The following PTDSS2 variants were observed in gnomAD, a reference collection of about 807,000 sequenced individuals.
PTDSS2 encodes PSS-2.
In PTDSS2, 41 loss-of-function variants were observed where a neutral mutation model predicts 64.7. The ratio of observed to expected loss-of-function variants is 0.63; its 90% confidence interval spans 0.49 to 0.82. The LOEUF (loss-of-function observed/expected upper bound fraction) is 0.82. Among genes scored for constraint, PTDSS2 ranks in the 40% least tolerant of loss-of-function variants. The pLI, the probability that PTDSS2 is intolerant of heterozygous loss-of-function variation, is 0.00. For synonymous variants in PTDSS2, 297 were observed against 277.8 expected (o/e 1.07, Z -0.69); for missense variants, 485 against 650.0 (o/e 0.75, Z 2.76).
chr11:489,175 C>T (rs141986670), intron 8 of PTDSS2, among the ~76,000 whole-genome samples: 14 of 152,214 alleles, frequency 9.2e-5, no homozygotes, highest in African/African-American at 3.4e-4. Flanking sequence ...AGAAGCAGGG[C>T]TTGTAGCTGG....
Position 490,799 on chromosome 11 carries a change from C to T in PTDSS2, c.*217C>T, listed in dbSNP as rs943623120. The T allele has an allele frequency of 1.3e-4, 72 of 574,404 alleles. No individual in the cohort carries two copies. In the Admixed American group the frequency reaches 1.4e-3, roughly 11 times the overall value. The allele number at this position is 574,404 out of a possible 1,614,324, so 35.6% of individuals were successfully genotyped here. The stretch of plus-strand genomic sequence containing the variant: ...GTGTACGTGTGTATGCGTGTGTGTA[C>T]GCGTGTGTACGCGCGTGTGTACACA... On this transcript the variant is annotated 3_prime_UTR_variant, in exon 12 of 12. Coordinates refer to ENST00000308020, the MANE Select transcript of PTDSS2 (RefSeq NM_030783.3).
intron 1 of PTDSS2, among the ~76,000 whole-genome samples, chr11:458,319 C>T (rs1471679768): frequency 6.6e-6 from 1 of 151,782 alleles, no homozygotes; most frequent in Admixed American, 6.6e-5. Flanking sequence ...ATTCTCCTGC[C>T]TCAGCCTCCC....
At chr11:458,297 C>T (rs1476025224) in intron 1 of PTDSS2, among the ~76,000 whole-genome samples, 14 of 151,250 alleles carry the variant, frequency 9.3e-5, no homozygotes, top group African/African-American at 1.7e-4. Context: ...CTCCGCCTCC[C>T]GGGTTCACGC....
intron 1 of PTDSS2, among the ~76,000 whole-genome samples, chr11:455,867 C>T (rs1187859479): frequency 6.6e-6 from 1 of 152,178 alleles, no homozygotes; most frequent in Admixed American, 6.5e-5. Context: ...GGAAGGAAGG[C>T]TCAGGAACGC....
At chr11:452,168 T>C (rs2133747166) in intron 1 of PTDSS2, among the ~76,000 whole-genome samples, 1 of 152,302 alleles carries the variant, frequency 6.6e-6, no homozygotes, top group South Asian at 2.1e-4. Flanking sequence ...CGGGCTCCTC[T>C]GAGGTCCCGG....
At position 489,857 on chromosome 11, in the gene PTDSS2, C is replaced by T. The variant is rs142766512; in HGVS notation, c.1116-26C>T. The T allele has an allele frequency of 2.0e-4, 308 of 1,557,886 alleles. 2 individuals are homozygous for T. In the East Asian group the frequency reaches 5.6e-3, roughly 28 times the overall value. On this transcript the variant is annotated intron_variant, in intron 10 of 11. Coordinates refer to ENST00000308020, the MANE Select transcript of PTDSS2 (RefSeq NM_030783.3). ...CTGGAGGACCCTGCGGGGCCCGGGACGCTGAACCCCCTGCTGCCCCTGCAG... is the reference window on the plus strand; with the variant it reads ...CTGGAGGACCCTGCGGGGCCCGGGATGCTGAACCCCCTGCTGCCCCTGCAG...
chr11:482,587 TA>T (rs1848120614), intron 4 of PTDSS2, among the ~76,000 whole-genome samples: 3 of 152,194 alleles, frequency 2.0e-5, no homozygotes, highest in African/African-American at 7.2e-5. Flanking sequence ...GTGCTGGGAG[TA>T]TAAGCATGAG....
At chr11:457,805 T>G (rs1205328217) in intron 1 of PTDSS2, among the ~76,000 whole-genome samples, 2 of 152,162 alleles carry the variant, frequency 1.3e-5, no homozygotes, top group African/African-American at 4.8e-5. Flanking sequence ...CGTTTGGGAG[T>G]ATGTGGCTGG....
intron 4 of PTDSS2, among the ~76,000 whole-genome samples, chr11:481,083 CAAAAA>C (rs749112324): frequency 1.8e-5 from 2 of 109,324 alleles, no homozygotes. Flanking sequence ...GACTCCGCCT[CAAAAA>C]AAAAAAAAAA....
intron 3 of PTDSS2, among the ~76,000 whole-genome samples, chr11:474,352 T>A (rs906849584): frequency 8.2e-6 from 1 of 121,924 alleles, no homozygotes; most frequent in African/African-American, 3.1e-5. Context: ...GGCCAGGGAC[T>A]GTGGGCTCTA....
chr11:464,890 T>A lies in PTDSS2; in HGVS notation c.284+4602T>A, dbSNP rs115257451. On this transcript the variant is annotated intron_variant, in intron 2 of 11. Coordinates refer to ENST00000308020, the MANE Select transcript of PTDSS2 (RefSeq NM_030783.3). ...TAATACATATAAAACATAATGCATA[T>A]AAATATACTCACAGTGCTGAAGAAT... is the stretch of plus-strand genomic sequence containing the variant. Among the ~76,000 whole-genome samples the A allele has an allele frequency of 9.9e-4, 150 of 152,284 alleles. 1 individual carries two copies. Among genetic ancestry groups the A allele is most frequent in the African/African-American group, 3.5e-3 (145 of 41,550 alleles).
intron 1 of PTDSS2, among the ~76,000 whole-genome samples, 189 bp downstream of exon 1, chr11:450,826 C>T (rs1846285924): frequency 6.6e-6 from 1 of 152,196 alleles, no homozygotes; most frequent in African/African-American, 2.4e-5. Flanking sequence ...CTCCCGACGC[C>T]GGGTCGGGCG....
rs1220561397 is a variant in PTDSS2, at chr11:470,973, GTAAATC to G, written c.285-2917_285-2912del. On this transcript the variant is annotated intron_variant, in intron 2 of 11. Coordinates refer to ENST00000308020, the MANE Select transcript of PTDSS2 (RefSeq NM_030783.3). This position sits in a 1 kb window ranked among gnomAD's most constrained non-coding sequence, Gnocchi z 5.3. ...CTTTTACTATTTTTACAATAATTCT[GTAAATC>G]TAAAACCATTCTAAAATTAAAAATT... Among the ~76,000 whole-genome samples, 5 of 152,024 alleles carry G rather than the reference GTAAATC, an allele frequency of 3.3e-5. No homozygotes were observed. Among genetic ancestry groups the G allele is most frequent in the African/African-American group, 9.7e-5 (4 of 41,372 alleles).
intron 3 of PTDSS2, among the ~76,000 whole-genome samples, chr11:477,458 G>C (rs1187235676): frequency 6.6e-6 from 1 of 152,194 alleles, no homozygotes; most frequent in Non-Finnish European, 1.5e-5. Context: ...TCCGGGAAGC[G>C]ACCCAGGAAT....
Position 490,799 on chromosome 11 carries a change from C to CGCGTGTACGCGTGTGTGTAT in PTDSS2, c.*223_*224insACGCGTGTGTGTATGCGTGT. The CGCGTGTACGCGTGTGTGTAT allele has an allele frequency of 1.7e-6, 1 of 574,404 alleles. No individual in the cohort carries two copies. The highest frequency in any genetic ancestry group is 3.1e-6 in the Non-Finnish European group (1 of 324,044). 35.6% of individuals were successfully genotyped at this position (574,404 alleles called of 1,614,324 possible). Reference sequence around the variant, plus strand: ...GTGTACGTGTGTATGCGTGTGTGTACGCGTGTGTACGCGCGTGTGTACACA... The same window carrying CGCGTGTACGCGTGTGTGTAT: ...GTGTACGTGTGTATGCGTGTGTGTACGCGTGTACGCGTGTGTGTATGCGTGTGTACGCGCGTGTGTACACA... On this transcript the variant is annotated 3_prime_UTR_variant, in exon 12 of 12. Transcript: ENST00000308020.
intron 4 of PTDSS2, among the ~76,000 whole-genome samples, chr11:482,357 G>A (rs1848112145): frequency 6.6e-6 from 1 of 152,076 alleles, no homozygotes; most frequent in Non-Finnish European, 1.5e-5. Flanking sequence ...GTAGTAGCTG[G>A]GATTACAGGA....
intron 2 of PTDSS2, among the ~76,000 whole-genome samples, chr11:469,944 A>G (rs1292657896): frequency 6.6e-6 from 1 of 152,220 alleles, no homozygotes; most frequent in Non-Finnish European, 1.5e-5. Context: ...ATAAAGTAGT[A>G]TTAGAATATA....
chr11:454,399 A>G (rs2133752833), intron 1 of PTDSS2, among the ~76,000 whole-genome samples: 1 of 152,256 alleles, frequency 6.6e-6, no homozygotes, highest in East Asian at 1.9e-4. Flanking sequence ...TTTTGGGGAA[A>G]TGGAAAGATG....
chr11:473,763 C>A, intron 2 of PTDSS2, 132 bp from the exon 3 acceptor site: 1 of 744,290 alleles, frequency 1.3e-6, no homozygotes, highest in Non-Finnish European at 2.4e-6. Flanking sequence ...CCAGCTCTGC[C>A]CGAGGCCCCT....
Sources: gnomAD v4.1 joint callset for allele counts (sites outside exome capture counted in the v4.1 genomes callset) on GRCh38, gnomAD v4.1.1 for gene constraint, Gnocchi (gnomAD v3.1) non-coding constraint, MANE v1.5 for transcripts, NCBI Gene and HGNC (gene_info 2026-07-23, HGNC 2026-07-21) for gene names.